The following SRSF9 variants were observed in gnomAD, a reference collection of about 807,000 sequenced individuals.
The protein encoded by SRSF9 is serine and arginine rich splicing factor 9, also known as serine/arginine-rich splicing factor 9.
SRSF9 carries 3 observed loss-of-function variants against 25.9 expected under a neutral mutation model. That is an observed-to-expected ratio of 0.12 (90% confidence interval 0.05 to 0.30). The LOEUF is 0.30. Among genes scored for constraint, SRSF9 ranks in the 10% least tolerant of loss-of-function variants. The probability of loss-of-function intolerance (pLI) is 1.00; values close to 1 mark genes in which losing one functional copy is unlikely to be tolerated. For missense variants in SRSF9, 161 were observed against 303.5 expected, an observed-to-expected ratio of 0.53 and a Z score of 3.49; for synonymous variants, 114 against 113.2, an observed-to-expected ratio of 1.01 and a Z score of -0.05.
chr12:120,466,540 A>T (rs1390631321), intron 1 of SRSF9, among the ~76,000 whole-genome samples: 1 of 151,962 alleles, frequency 6.6e-6, no homozygotes, highest in Non-Finnish European at 1.5e-5. Flanking sequence ...ATGAATGTGG[A>T]ACTTTTTTTT....
chr12:120,468,548 C>A (rs896812694), intron 1 of SRSF9, among the ~76,000 whole-genome samples: 18 of 152,184 alleles, frequency 1.2e-4, no homozygotes, highest in Admixed American at 7.9e-4. Flanking sequence ...ACGTCCACCC[C>A]AGGTAGGTCG....
At chr12:120,465,843 C>T in intron 1 of SRSF9, 56 bp from the exon 2 acceptor site, 2 of 1,517,316 alleles carry the variant, frequency 1.3e-6, no homozygotes, top group Non-Finnish European at 1.8e-6. Flanking sequence ...GTTCAGGAGG[C>T]CAAGTGACTT....
chr12:120,461,801 T>C lies in SRSF9; in HGVS notation c.*218A>G. On this transcript the variant is annotated 3_prime_UTR_variant, in exon 4 of 4. Coordinates refer to ENST00000229390, the MANE Select transcript of SRSF9 (RefSeq NM_003769.3). ...TTCCCATAATCAGGGGTGAAAAATA[T>C]ACAACTTGTTTCTGAACCAAAACCA... 1 of 439,816 alleles carries C rather than the reference T, an allele frequency of 2.3e-6. No individual in the cohort carries two copies. Among genetic ancestry groups the C allele is most frequent in the Non-Finnish European group, 3.8e-6 (1 of 260,620 alleles). The allele number at this position is 439,816 out of a possible 1,614,324, so 27.2% of individuals were successfully genotyped here.
rs1156936518 is a variant in SRSF9, at chr12:120,469,677, C to G, written c.-68G>C. 9.6e-7 allele frequency: 1 copy of G among 1,038,596 alleles called. No individual in the cohort carries two copies. The highest frequency in any genetic ancestry group is 1.7e-5 in the African/African-American group (1 of 59,274). The allele number at this position is 1,038,596 out of a possible 1,614,324, so 64.3% of individuals were successfully genotyped here. On this transcript the variant is annotated 5_prime_UTR_variant, in exon 1 of 4. Coordinates refer to ENST00000229390, the MANE Select transcript of SRSF9 (RefSeq NM_003769.3). ...CGCCGCCGCCTCAGCACGGGTCCCC[C>G]CGCAGCGTCCCCGCGGGCTCCGAGG...
chr12:120,469,321 G>A lies in SRSF9; in HGVS notation c.188+101C>T, dbSNP rs1592994015. ...TGAGGGGTCTGCGCGGAGGCGGGGG[G>A]AGGGGAGGCCGGGGGGAGGGGAGCC... On this transcript the variant is annotated intron_variant, in intron 1 of 3. Coordinates refer to ENST00000229390, the MANE Select transcript of SRSF9 (RefSeq NM_003769.3). The A allele has an allele frequency of 1.6e-5, 12 of 745,132 alleles. 1 individual carries two copies. The South Asian group carries it at 2.0e-4, about 13-fold the overall frequency. The allele number at this position is 745,132 out of a possible 1,614,324, so 46.2% of individuals were successfully genotyped here.
rs1044284951 is a variant in SRSF9 at position 120,463,906 on chromosome 12, G to A, written c.522+44C>T. On this transcript the variant is annotated intron_variant, in intron 3 of 3. Transcript: ENST00000229390. ...ACCTCTGCTAGGTCAGGTTCAAGTG[G>A]AGTGATTTGAGTACAAGCTCCTCAA... 1.9e-6 allele frequency: 3 copies of A among 1,561,302 alleles called. No homozygotes were observed. In the African/African-American group the frequency reaches 4.1e-5, roughly 21 times the overall value.
At chr12:120,467,480 G>A (rs139897158) in intron 1 of SRSF9, among the ~76,000 whole-genome samples, 261 of 152,188 alleles carry the variant, frequency 1.7e-3, no homozygotes, top group African/African-American at 5.9e-3. Flanking sequence ...CAGCCTGCAC[G>A]ACAGAGCCAG....
In SRSF9 at chr12:120,469,457, G is replaced by A; in HGVS notation, c.153C>T (p.Leu51=). The change falls in exon 1 of 4, where the codon CTC becomes CTT. Residue 51 remains leucine (L), a synonymous_variant. Transcript: ENST00000229390. ...REIELKNRHG[L]VPFAFVRFED... ...CGAAGCGCACGAAGGCGAAGGGCAC[G>A]AGGCCGTGCCGGTTCTTGAGCTCGA... 1.3e-6 allele frequency: 2 copies of A among 1,594,782 alleles called. No individual in the cohort carries two copies. Among genetic ancestry groups the A allele is most frequent in the Non-Finnish European group, 1.7e-6 (2 of 1,172,076 alleles).
At chr12:120,469,338 A>C in intron 1 of SRSF9, 84 bp downstream of exon 1, 3 of 806,774 alleles carry the variant, frequency 3.7e-6, no homozygotes, top group Non-Finnish European at 5.1e-6. Context: ...GGCCGGGGGG[A>C]GGGGAGCCCT....
intron 3 of SRSF9, chr12:120,462,469 G>C: frequency 8.8e-6 from 2 of 226,806 alleles, no homozygotes; most frequent in Non-Finnish European, 1.8e-5. Flanking sequence ...TACTGCCATT[G>C]ACCCCCCTCA....
At chr12:120,464,215 T>C in intron 2 of SRSF9, 93 bp from the exon 3 acceptor site, 1 of 1,421,272 alleles carries the variant, frequency 7.0e-7, no homozygotes, top group South Asian at 1.4e-5. Flanking sequence ...TTCTCCATGA[T>C]CACTTAAATC....
chr12:120,469,672 T>TC lies in SRSF9; in HGVS notation c.-64dup, dbSNP rs1026047505. 7.3e-6 allele frequency: 8 copies of TC among 1,088,928 alleles called. No individual in the cohort carries two copies. The highest frequency in any genetic ancestry group is 6.9e-6 in the Non-Finnish European group (6 of 866,296). 67.5% of individuals were successfully genotyped at this position (1,088,928 alleles called of 1,614,324 possible). On this transcript the variant is annotated 5_prime_UTR_variant, in exon 1 of 4. Transcript: ENST00000229390. ...GTCGCCGCCGCCGCCTCAGCACGGGTCCCCCCGCAGCGTCCCCGCGGGCTC... is the reference window on the plus strand; with the variant it reads ...GTCGCCGCCGCCGCCTCAGCACGGGTCCCCCCCGCAGCGTCCCCGCGGGCTC...
chr12:120,469,656 G>GCCGCCT lies in SRSF9; in HGVS notation c.-53_-48dup. On this transcript the variant is annotated 5_prime_UTR_variant, in exon 1 of 4. Coordinates refer to ENST00000229390, the MANE Select transcript of SRSF9 (RefSeq NM_003769.3). ...GCCCGCCGCAGCCCACGTCGCCGCC[G>GCCGCCT]CCGCCTCAGCACGGGTCCCCCCGCA... is the stretch of plus-strand genomic sequence containing the variant. 3 of 1,195,964 alleles carry GCCGCCT rather than the reference G, an allele frequency of 2.5e-6. No homozygotes were observed. In the Middle Eastern group the frequency reaches 7.4e-4, roughly 293 times the overall value. 74.1% of individuals were successfully genotyped at this position (1,195,964 alleles called of 1,614,324 possible).
At chr12:120,463,925 T>A (rs1429735089) in intron 3 of SRSF9, 25 bp downstream of exon 3, 2 of 1,582,512 alleles carry the variant, frequency 1.3e-6, no homozygotes, top group African/African-American at 1.3e-5. Context: ...GAGTACAAGC[T>A]CCTCAACAGA....
chr12:120,465,502 A>G (rs1324305381), intron 2 of SRSF9, 125 bp downstream of exon 2: 3 of 1,059,424 alleles, frequency 2.8e-6, no homozygotes, highest in Non-Finnish European at 3.8e-6. Flanking sequence ...GGCTTCACAC[A>G]GGCTATTGAA....
chr12:120,469,398 A>T (rs1332883935), intron 1 of SRSF9, 24 bp downstream of exon 1: 2 of 1,519,650 alleles, frequency 1.3e-6, no homozygotes, highest in African/African-American at 1.5e-5. Flanking sequence ...CGAGGAGGAG[A>T]GGGCAGGGGC....
chr12:120,463,325 G>A (rs1378965313), intron 3 of SRSF9: 1 of 152,190 alleles, frequency 6.6e-6, no homozygotes, highest in Non-Finnish European at 1.5e-5. Context: ...CCCAACTACT[G>A]GAGAGGCTGA....
intron 3 of SRSF9, 118 bp downstream of exon 3, chr12:120,463,832 T>G (rs967796872): frequency 1.7e-6 from 2 of 1,196,132 alleles, no homozygotes; most frequent in Non-Finnish European, 2.3e-6. Context: ...CCACCTAAGA[T>G]AGATCTCTTA....
At chr12:120,465,910 A>C in intron 1 of SRSF9, 123 bp from the exon 2 acceptor site, 2 of 946,030 alleles carry the variant, frequency 2.1e-6, no homozygotes, top group Non-Finnish European at 3.0e-6. Context: ...TGAAGAAAAA[A>C]ACACACAAAT....
Sources: allele counts gnomAD v4.1 joint callset (sites outside exome capture counted in the v4.1 genomes callset), GRCh38; gene constraint gnomAD v4.1.1; transcripts MANE v1.5; gene names NCBI Gene and HGNC (gene_info 2026-07-23, HGNC 2026-07-21).